Variants in CD83 observed in about 807,000 individuals in gnomAD.
CD83 encodes CD83 antigen.
Under a neutral mutation model 24.6 loss-of-function variants are expected in CD83, and 22 were observed. The observed-to-expected ratio is 0.90, with a 90% CI of 0.64 to 1.28. CD83 has a LOEUF of 1.28. Ranked by LOEUF, CD83 falls within the 50% of genes most tolerant of loss-of-function variation. The pLI is 0.00. For missense variants in CD83, 253 were observed against 252.8 expected (o/e 1.00, Z -0.01); for synonymous variants, 101 against 103.5 (o/e 0.98, Z 0.14).
chr6:14,118,319 A>G (rs1759591298), intron 2 of CD83, among the ~76,000 whole-genome samples: 2 of 144,932 alleles, frequency 1.4e-5, no homozygotes, highest in South Asian at 2.3e-4. Context: ...CCTGAGATGA[A>G]TGATCCACTT....
chr6:14,118,803 G>GC (rs1759604336), intron 2 of CD83, among the ~76,000 whole-genome samples: 1 of 152,204 alleles, frequency 6.6e-6, no homozygotes, highest in African/African-American at 2.4e-5. Flanking sequence ...TGGCAATGAT[G>GC]GTGTCATTCC....
rs1292632780 is a variant in CD83, at chr6:14,129,195, T to C, written c.154-2325T>C. On this transcript the variant is annotated intron_variant, in intron 2 of 4. Transcript: ENST00000379153. This position sits in a 1 kb window ranked among gnomAD's most constrained non-coding sequence, Gnocchi z 4.3. ...TTAATTTAGAAAAAGAAAAGCAAGA[T>C]TGGACATCGGAATGGGGACTGCAGG... Among the ~76,000 whole-genome samples the C allele has an allele frequency of 6.6e-6, 1 of 152,180 alleles. No individual in the cohort carries two copies. Among genetic ancestry groups the C allele is most frequent in the Non-Finnish European group, 1.5e-5 (1 of 68,044 alleles).
rs1223598259 is a variant in CD83, at chr6:14,129,705, G to A, written c.154-1815G>A. 6.6e-6 allele frequency among the ~76,000 whole-genome samples: 1 copy of A among 152,102 alleles called. No homozygotes were observed. The highest frequency in any genetic ancestry group is 6.6e-5 in the Admixed American group (1 of 15,266). ...GCTGAGCAGGTTTTCTTGCAGGAGCGATCAATCTGCCACCAGATGTCTCTG... is the reference window on the plus strand; with the variant it reads ...GCTGAGCAGGTTTTCTTGCAGGAGCAATCAATCTGCCACCAGATGTCTCTG... On this transcript the variant is annotated intron_variant, in intron 2 of 4. Coordinates refer to ENST00000379153, the MANE Select transcript of CD83 (RefSeq NM_004233.4). The surrounding 1 kb of genome is among the most constrained non-coding windows in gnomAD (Gnocchi z 4.3).
Position 14,129,096 on chromosome 6 carries a change from G to C in CD83, c.154-2424G>C, listed in dbSNP as rs1047328346. ...CTGAGGGAGGGGTTGCTGGATGGGA[G>C]AGGAGCTTCCCAGGAGAAAACCATG... On this transcript the variant is annotated intron_variant, in intron 2 of 4. Coordinates refer to ENST00000379153, the MANE Select transcript of CD83 (RefSeq NM_004233.4). This position sits in a 1 kb window ranked among gnomAD's most constrained non-coding sequence, Gnocchi z 4.3. Among the ~76,000 whole-genome samples, 40 of 152,226 alleles carry C rather than the reference G, an allele frequency of 2.6e-4. No homozygotes were observed. The highest frequency in any genetic ancestry group is 9.4e-4 in the African/African-American group (39 of 41,460).
intron 2 of CD83, among the ~76,000 whole-genome samples, chr6:14,121,832 C>T (rs551220164): frequency 9.9e-5 from 15 of 152,070 alleles, no homozygotes; most frequent in East Asian, 7.8e-4. Context: ...TGAAAAGCGT[C>T]GCTGTGTCTA....
At chr6:14,130,164 A>C (rs537603135) in intron 2 of CD83, among the ~76,000 whole-genome samples, 1 of 152,322 alleles carries the variant, frequency 6.6e-6, no homozygotes, top group African/African-American at 2.4e-5. Context: ...GTCCCCAGCC[A>C]ACCAGCAAAG....
intron 2 of CD83, among the ~76,000 whole-genome samples, chr6:14,127,012 G>A (rs1475950135): frequency 1.3e-5 from 2 of 148,318 alleles, no homozygotes; most frequent in African/African-American, 2.5e-5. Context: ...TTTTTAAGAC[G>A]GAGTCATGCT....
chr6:14,122,449 A>T (rs1044920736), intron 2 of CD83, among the ~76,000 whole-genome samples: 1 of 152,206 alleles, frequency 6.6e-6, no homozygotes, highest in African/African-American at 2.4e-5. Context: ...GTTGGGGCAG[A>T]TGTAATCTGT....
At chr6:14,117,392 G>C (rs975362718), upstream of CD83, 1 of 152,186 alleles carries the variant, frequency 6.6e-6, no homozygotes, top group East Asian at 1.9e-4. This position sits in a 1 kb window ranked among gnomAD's most constrained non-coding sequence, Gnocchi z 4.6. Flanking sequence ...ATCCCGCTCG[G>C]ATGGCCCGGT....
intron 2 of CD83, among the ~76,000 whole-genome samples, chr6:14,120,272 G>A (rs906772726): frequency 2.0e-5 from 3 of 152,112 alleles, no homozygotes; most frequent in Admixed American, 6.6e-5. Context: ...AGCATGTTCT[G>A]TAGATACTTA....
At chr6:14,118,248 C>T (rs2113382627) in intron 2 of CD83, among the ~76,000 whole-genome samples, 183 bp downstream of exon 2, 1 of 152,162 alleles carries the variant, frequency 6.6e-6, no homozygotes, top group East Asian at 1.9e-4. Flanking sequence ...CATCCAGGTA[C>T]AGGGCCGAAT....
chr6:14,123,670 A>G (rs997980457), intron 2 of CD83, among the ~76,000 whole-genome samples: 3 of 148,182 alleles, frequency 2.0e-5, no homozygotes, highest in African/African-American at 7.4e-5. Context: ...TTTTTGGACA[A>G]TAGTGGAACA....
Position 14,136,602 on chromosome 6 carries a change from TA to T in CD83, c.*1370del, listed in dbSNP as rs1758057823. On this transcript the variant is annotated 3_prime_UTR_variant, in exon 5 of 5. Transcript: ENST00000379153. Reference sequence around the variant, plus strand: ...TCACTGTCCCCCTAATATTAGGGAGTAAAACGGATACCAAGTTGATTTAGTG... The same window carrying T: ...TCACTGTCCCCCTAATATTAGGGAGTAAACGGATACCAAGTTGATTTAGTG... The T allele has an allele frequency of 6.6e-6, 1 of 152,176 alleles. No homozygotes were observed. Among genetic ancestry groups the T allele is most frequent in the Non-Finnish European group, 1.5e-5 (1 of 68,042 alleles). The allele number at this position is 152,176 out of a possible 1,614,324, so 9.4% of individuals were successfully genotyped here.
At chr6:14,123,379 G>A (rs188410133) in intron 2 of CD83, among the ~76,000 whole-genome samples, 102 of 152,316 alleles carry the variant, frequency 6.7e-4, no homozygotes, top group Non-Finnish European at 9.8e-4. Flanking sequence ...GATTACAGGC[G>A]TAAGCCACCA....
chr6:14,131,702 G>A lies in CD83; in HGVS notation c.336G>A (p.Pro112=), dbSNP rs146812015. 2.5e-5 allele frequency: 41 copies of A among 1,614,050 alleles called. No individual in the cohort carries two copies. The African/African-American group carries it at 4.3e-4, about 17-fold the overall frequency. Reference sequence around the variant, plus strand: ...CATACAGGTGCACTCTGCAGGACCCGGATGGGCAGAGAAACCTAAGTGGCA... The same window carrying A: ...CATACAGGTGCACTCTGCAGGACCCAGATGGGCAGAGAAACCTAAGTGGCA... ...SGTYRCTLQD[P]DGQRNLSGKV... is the part of the protein sequence containing the mutation. The change falls in exon 3 of 5, where the codon CCG becomes CCA. Residue 112 remains proline, a synonymous_variant. Coordinates refer to ENST00000379153, the MANE Select transcript of CD83 (RefSeq NM_004233.4).
intron 2 of CD83, among the ~76,000 whole-genome samples, 162 bp downstream of exon 2, chr6:14,118,227 C>G (rs528793493): frequency 6.6e-6 from 1 of 152,212 alleles, no homozygotes; most frequent in Non-Finnish European, 1.5e-5. Flanking sequence ...GCGCCTCCCC[C>G]ACCCCATCCG....
intron 3 of CD83, 45 bp downstream of exon 3, chr6:14,131,793 T>G: frequency 7.6e-7 from 1 of 1,312,506 alleles, no homozygotes; most frequent in Non-Finnish European, 1.1e-6. Context: ...ACAATGCATG[T>G]GTACTTCCTT....
intron 2 of CD83, among the ~76,000 whole-genome samples, chr6:14,120,401 T>A (rs9464660): frequency 1.3e-5 from 2 of 152,222 alleles, no homozygotes; most frequent in East Asian, 1.9e-4. Context: ...TTTTACAGAA[T>A]GTTAAGCATC....
intron 2 of CD83, 59 bp downstream of exon 2, chr6:14,118,124 A>C: frequency 1.6e-6 from 2 of 1,283,182 alleles, no homozygotes; most frequent in East Asian, 5.3e-5. Context: ...GACAGCAGGA[A>C]CCATCTCCCC....
Sources: gnomAD v4.1 joint callset for allele counts (sites outside exome capture counted in the v4.1 genomes callset) on GRCh38, gnomAD v4.1.1 for gene constraint, Gnocchi (gnomAD v3.1) non-coding constraint, MANE v1.5 for transcripts, NCBI Gene and HGNC (gene_info 2026-07-23, HGNC 2026-07-21) for gene names.